The following TPD52L1 variants were observed in gnomAD, a reference collection of about 807,000 sequenced individuals.
TPD52L1 encodes the protein tumor protein D53.
Under a neutral mutation model 28.7 loss-of-function variants are expected in TPD52L1, and 18 were observed. That is an observed-to-expected ratio of 0.63 (90% CI 0.43 to 0.93). TPD52L1 has a LOEUF of 0.93. TPD52L1 is among the 40% of genes least tolerant of loss of function. The pLI is 0.00. For missense variants in TPD52L1, 203 were observed against 254.8 expected (o/e 0.80, Z 1.39); for synonymous variants, 75 against 88.8 (o/e 0.84, Z 0.88).
chr6:125,154,163 A>G, intron 1 of TPD52L1, 193 bp downstream of exon 1: 1 of 1,383,674 alleles, frequency 7.2e-7, no homozygotes. Flanking sequence ...TCTGGGGATC[A>G]ATAAAGTGAC....
At chr6:125,238,373 A>G (rs1796404998) in intron 3 of TPD52L1, among the ~76,000 whole-genome samples, 1 of 152,200 alleles carries the variant, frequency 6.6e-6, no homozygotes, top group Non-Finnish European at 1.5e-5. Flanking sequence ...TTTTATTTCA[A>G]TAGTCTTTGG....
chr6:125,252,161 G>C, intron 4 of TPD52L1: 1 of 1,120,176 alleles, frequency 8.9e-7, no homozygotes, highest in Non-Finnish European at 1.3e-6. Flanking sequence ...TTTCCAGACA[G>C]TTCCCGTGAC....
intron 3 of TPD52L1, among the ~76,000 whole-genome samples, chr6:125,242,232 T>C (rs147701312): frequency 1.4e-4 from 22 of 152,200 alleles, no homozygotes; most frequent in African/African-American, 5.3e-4. Context: ...TCTTAGAGAA[T>C]GTTTCATGTG....
chr6:125,170,709 G>A (rs1285675271), intron 1 of TPD52L1, among the ~76,000 whole-genome samples: 8 of 151,958 alleles, frequency 5.3e-5, no homozygotes, highest in African/African-American at 1.9e-4. Context: ...CCATGAAACT[G>A]GCAGGCCAAT....
intron 4 of TPD52L1, among the ~76,000 whole-genome samples, chr6:125,251,433 T>C (rs1797259022): frequency 6.6e-6 from 1 of 152,174 alleles, no homozygotes; most frequent in South Asian, 2.1e-4. Context: ...TTGTAAAACC[T>C]AGAATTTGGG....
intron 4 of TPD52L1, chr6:125,252,580 C>T (rs1037891030): frequency 1.3e-5 from 2 of 152,196 alleles, no homozygotes; most frequent in Non-Finnish European, 2.9e-5. Flanking sequence ...TAATCCCAAG[C>T]CCCCGAATTA....
At chr6:125,171,451 T>C (rs138694675) in intron 1 of TPD52L1, among the ~76,000 whole-genome samples, 242 of 152,314 alleles carry the variant, frequency 1.6e-3, no homozygotes, top group African/African-American at 5.6e-3. Context: ...ACTGATGGGA[T>C]GTAACTCCCA....
intron 1 of TPD52L1, among the ~76,000 whole-genome samples, chr6:125,178,511 C>A (rs1488005600): frequency 6.6e-6 from 1 of 152,148 alleles, no homozygotes; most frequent in Non-Finnish European, 1.5e-5. Flanking sequence ...GTCCCAGCTA[C>A]TCAGGAGGCT....
At chr6:125,227,456 AG>A (rs2114982402) in intron 2 of TPD52L1, among the ~76,000 whole-genome samples, 1 of 152,308 alleles carries the variant, frequency 6.6e-6, no homozygotes, top group Admixed American at 6.5e-5. Flanking sequence ...ACAGCCTGAC[AG>A]GGTTGGTGTG....
intron 1 of TPD52L1, among the ~76,000 whole-genome samples, chr6:125,201,081 G>T (rs935625538): frequency 6.6e-6 from 1 of 152,188 alleles, no homozygotes; most frequent in African/African-American, 2.4e-5. Flanking sequence ...AGAGGGCATA[G>T]TAGTCATGGG....
At chr6:125,225,818 G>C (rs778408375) in intron 2 of TPD52L1, among the ~76,000 whole-genome samples, 5 of 152,108 alleles carry the variant, frequency 3.3e-5, no homozygotes, top group Non-Finnish European at 5.9e-5. Flanking sequence ...GATAACACAA[G>C]CAGTCTGGCT....
intron 1 of TPD52L1, among the ~76,000 whole-genome samples, chr6:125,180,995 G>A (rs976713163): frequency 2.6e-5 from 4 of 152,140 alleles, no homozygotes. Context: ...TACAAAGCTA[G>A]AACCAGAGGA....
chr6:125,263,053 C>T lies in TPD52L1; in HGVS notation c.*91C>T, dbSNP rs1338076906. ...TCCAGATAAGAAGACCAAAATCCCG[C>T]TGGGAAAAACCCAGGCCTTGACATT... On this transcript the variant is annotated 3_prime_UTR_variant, in exon 7 of 7. Transcript: ENST00000534000. The T allele has an allele frequency of 3.5e-6, 5 of 1,421,638 alleles. No individual in the cohort carries two copies. Among genetic ancestry groups the T allele is most frequent in the Non-Finnish European group, 4.6e-6 (5 of 1,081,034 alleles). The allele number at this position is 1,421,638 out of a possible 1,614,324, so 88.1% of individuals were successfully genotyped here. A position where few individuals can be genotyped will look rare whatever the true frequency, so the allele number is the denominator to read the frequency against.
At chr6:125,229,305 G>A in intron 3 of TPD52L1, 39 bp downstream of exon 3, 1 of 1,565,818 alleles carries the variant, frequency 6.4e-7, no homozygotes, top group Non-Finnish European at 8.6e-7. Context: ...AACTCAGCCT[G>A]ATGTCTCCTC....
intron 6 of TPD52L1, among the ~76,000 whole-genome samples, chr6:125,257,558 AACT>A (rs1797679461): frequency 6.6e-6 from 1 of 152,188 alleles, no homozygotes; most frequent in Non-Finnish European, 1.5e-5. Context: ...AGCAAAAACA[AACT>A]GGGGACTACG....
At chr6:125,199,338 G>T (rs1793645794) in intron 1 of TPD52L1, among the ~76,000 whole-genome samples, 1 of 152,190 alleles carries the variant, frequency 6.6e-6, no homozygotes, top group Non-Finnish European at 1.5e-5. Flanking sequence ...GTAGGATCAA[G>T]AAAAAGTCAC....
intron 3 of TPD52L1, among the ~76,000 whole-genome samples, chr6:125,236,239 A>G (rs998453537): frequency 1.3e-5 from 2 of 152,230 alleles, no homozygotes; most frequent in Non-Finnish European, 2.9e-5. Flanking sequence ...ACACTGCATT[A>G]AACTACCTGT....
At chr6:125,172,182 TTTCTTTC>T (rs1791440294) in intron 1 of TPD52L1, among the ~76,000 whole-genome samples, 5 of 130,314 alleles carry the variant, frequency 3.8e-5, no homozygotes, top group South Asian at 2.4e-4. Flanking sequence ...TCTTTCTTTC[TTTCTTTC>T]TTTCTTTCTT....
At chr6:125,251,751 C>A (rs1039540500) in intron 4 of TPD52L1, among the ~76,000 whole-genome samples, 20 of 152,208 alleles carry the variant, frequency 1.3e-4, no homozygotes, top group Admixed American at 1.2e-3. Context: ...AACTGATCCA[C>A]TGGGGACAAA....
Sources: gnomAD v4.1 joint callset for allele counts (sites outside exome capture counted in the v4.1 genomes callset) on GRCh38, gnomAD v4.1.1 for gene constraint, MANE v1.5 for transcripts, NCBI Gene and HGNC (gene_info 2026-07-23, HGNC 2026-07-21) for gene names.